TMCO5A: variants seen among roughly 807,000 people sequenced by gnomAD.
TMCO5A encodes transmembrane and coiled-coil domains 5A.
Under a neutral mutation model 42.3 loss-of-function variants are expected in TMCO5A, and 34 were observed. The observed-to-expected ratio is 0.80, with a 90% CI of 0.61 to 1.07. TMCO5A has a LOEUF of 1.07. Among genes scored for constraint, TMCO5A ranks in the 50% least tolerant of loss-of-function variants. The probability of loss-of-function intolerance (pLI) is 0.00; values close to 1 mark genes in which losing one functional copy is unlikely to be tolerated. For synonymous variants in TMCO5A, 131 were observed against 115.6 expected (o/e 1.13, Z -0.86); for missense variants, 357 against 327.9 (o/e 1.09, Z -0.69).
intron 11 of TMCO5A, among the ~76,000 whole-genome samples, chr15:37,965,307 C>G (rs906696188): frequency 1.3e-5 from 2 of 152,112 alleles, no homozygotes; most frequent in Non-Finnish European, 2.9e-5. Flanking sequence ...GCCTATGAAA[C>G]TAGCACAAGA....
intron 11 of TMCO5A, among the ~76,000 whole-genome samples, chr15:37,964,083 C>T (rs1424517202): frequency 3.3e-5 from 5 of 152,002 alleles, no homozygotes; most frequent in African/African-American, 4.8e-5. Flanking sequence ...CTTGTTTTGT[C>T]GTATTACCAG....
intron 11 of TMCO5A, among the ~76,000 whole-genome samples, chr15:37,959,440 G>A (rs1890368457): frequency 6.6e-6 from 1 of 151,792 alleles, no homozygotes; most frequent in Non-Finnish European, 1.5e-5. Context: ...ATGAATATTG[G>A]TGCAAAATCC....
intron 11 of TMCO5A, among the ~76,000 whole-genome samples, chr15:37,957,040 GC>G (rs1300321495): frequency 1.3e-5 from 2 of 152,066 alleles, no homozygotes; most frequent in East Asian, 1.9e-4. Context: ...AAATTCAACA[GC>G]CCTTCATGCT....
the TMCO5A span, among the ~76,000 whole-genome samples, chr15:38,034,172 C>T: frequency 6.6e-6 from 1 of 152,120 alleles, no homozygotes; most frequent in East Asian, 1.9e-4. Context: ...CTAGCTCCCT[C>T]CAGCTCTTTT....
downstream of TMCO5A, among the ~76,000 whole-genome samples, chr15:37,953,734 A>G (rs954454720): frequency 6.6e-6 from 1 of 152,122 alleles, no homozygotes; most frequent in African/African-American, 2.4e-5. Context: ...CCAGGGACCA[A>G]TCCTGGAGAA....
the TMCO5A span, among the ~76,000 whole-genome samples, chr15:38,014,464 TA>T: frequency 1.3e-5 from 2 of 152,232 alleles, no homozygotes; most frequent in African/African-American, 4.8e-5. Context: ...TCTTCAAAAA[TA>T]AAATAGAAAT....
downstream of TMCO5A, among the ~76,000 whole-genome samples, chr15:37,969,491 A>G (rs1008736592): frequency 6.6e-6 from 1 of 152,194 alleles, no homozygotes; most frequent in Non-Finnish European, 1.5e-5. Context: ...AAATGAGAAT[A>G]CCCAACACTA....
chr15:38,018,997 A>T, the TMCO5A span, among the ~76,000 whole-genome samples: 1 of 152,182 alleles, frequency 6.6e-6, no homozygotes. Flanking sequence ...ATCACTAAGT[A>T]TGGAGGTAAA....
chr15:37,939,414 G>A (rs1889649010), intron 6 of TMCO5A, among the ~76,000 whole-genome samples: 1 of 152,040 alleles, frequency 6.6e-6, no homozygotes, highest in Admixed American at 6.6e-5. Flanking sequence ...GCCAAAATTA[G>A]GAAGAGCTAT....
At chr15:37,948,262 T>C (rs1036313808) in intron 11 of TMCO5A, among the ~76,000 whole-genome samples, 3 of 152,124 alleles carry the variant, frequency 2.0e-5, no homozygotes, top group Admixed American at 6.6e-5. Context: ...AAAGTAAAAT[T>C]GGTATTCACG....
At chr15:37,938,838 G>C (rs1354640675) in intron 6 of TMCO5A, among the ~76,000 whole-genome samples, 2 of 151,966 alleles carry the variant, frequency 1.3e-5, no homozygotes, top group African/African-American at 2.4e-5. Context: ...TGCTTGGCAT[G>C]TCTCTAATTG....
chr15:37,943,491 T>A (rs753162883), intron 10 of TMCO5A, 93 bp downstream of exon 10: 14 of 1,254,174 alleles, frequency 1.1e-5, no homozygotes, highest in Non-Finnish European at 1.5e-5. Context: ...ATATACCCAA[T>A]CTTGCCATGC....
intron 6 of TMCO5A, among the ~76,000 whole-genome samples, chr15:37,939,975 T>C (rs1274330876): frequency 1.3e-5 from 2 of 152,052 alleles, no homozygotes; most frequent in Admixed American, 1.3e-4. Flanking sequence ...AGAATGGTCA[T>C]GTCTGCTCTT....
chr15:37,944,231 G>A (rs1889853910), intron 10 of TMCO5A: 1 of 152,018 alleles, frequency 6.6e-6, no homozygotes, highest in Admixed American at 6.6e-5. Flanking sequence ...TAAGAGTACT[G>A]AACAAGTCAT....
the TMCO5A span, among the ~76,000 whole-genome samples, chr15:38,014,867 A>ATATG: frequency 1.4e-5 from 1 of 71,906 alleles, no homozygotes; most frequent in Non-Finnish European, 3.1e-5. Context: ...ATATATATAT[A>ATATG]TATATATATA....
chr15:38,032,356 G>A, the TMCO5A span, among the ~76,000 whole-genome samples: 9 of 152,170 alleles, frequency 5.9e-5, no homozygotes, highest in African/African-American at 2.2e-4. Context: ...AAGGACAGCA[G>A]GCATTTTTTC....
chr15:37,960,745 A>T (rs527311131), intron 11 of TMCO5A, among the ~76,000 whole-genome samples: 8 of 151,816 alleles, frequency 5.3e-5, no homozygotes, highest in African/African-American at 1.9e-4. Flanking sequence ...AGGTGGTATC[A>T]CATTGTGGTT....
the TMCO5A span, among the ~76,000 whole-genome samples, chr15:37,989,945 G>A: frequency 1.3e-5 from 2 of 152,058 alleles, no homozygotes; most frequent in Non-Finnish European, 2.9e-5. Flanking sequence ...ACACTGCCAA[G>A]TTCCTAGCAC....
chr15:37,998,072 T>C, the TMCO5A span, among the ~76,000 whole-genome samples: 1 of 146,726 alleles, frequency 6.8e-6, no homozygotes, highest in South Asian at 2.5e-4. Flanking sequence ...ATAGAGTCGT[T>C]TGAGCTCCTT....
Sources: gnomAD v4.1 joint callset for allele counts (sites outside exome capture counted in the v4.1 genomes callset) on GRCh38, gnomAD v4.1.1 for gene constraint, MANE v1.5 for transcripts, NCBI Gene and HGNC (gene_info 2026-07-23, HGNC 2026-07-21) for gene names.